ELAPOR2: variants seen among roughly 807,000 people sequenced by gnomAD.
ELAPOR2 encodes the protein endosome-lysosome associated apoptosis and autophagy regulator family member 2.
Under a neutral mutation model 120.7 loss-of-function variants are expected in ELAPOR2, and 89 were observed. The ratio of observed to expected loss-of-function variants is 0.74; its 90% CI spans 0.62 to 0.88. The LOEUF is 0.88. Among genes scored for constraint, ELAPOR2 ranks in the 40% least tolerant of loss-of-function variants. The pLI is 0.00. For missense variants in ELAPOR2, 1,134 were observed against 1,251.6 expected (o/e 0.91, Z 1.42); for synonymous variants, 444 against 444.9 (o/e 1.00, Z 0.03).
At position 86,900,908 on chromosome 7, in the gene ELAPOR2, T is replaced by A. The variant is rs1478998671; in HGVS notation, c.2559-3276A>T. On this transcript the variant is annotated intron_variant, in intron 18 of 21. Coordinates refer to ENST00000450689, the MANE Select transcript of ELAPOR2 (RefSeq NM_001142749.3). ...ACAGAAAAACAAACAGTAAAATAGATAAATGTTTTATTGCCAAGTACTTGA... is the reference window on the plus strand; with the variant it reads ...ACAGAAAAACAAACAGTAAAATAGAAAAATGTTTTATTGCCAAGTACTTGA... Among the ~76,000 whole-genome samples the A allele has an allele frequency of 2.0e-5, 3 of 152,180 alleles. No individual in the cohort carries two copies. The East Asian group carries it at 5.8e-4, about 29-fold the overall frequency.
At chr7:87,011,644 T>C (rs1001779545) in intron 1 of ELAPOR2, among the ~76,000 whole-genome samples, 1 of 152,250 alleles carries the variant, frequency 6.6e-6, no homozygotes, top group Non-Finnish European at 1.5e-5. Flanking sequence ...ACTTGGTGTC[T>C]TGGGAGCTTT....
chr7:86,899,588 T>TA (rs2115925689), intron 18 of ELAPOR2, among the ~76,000 whole-genome samples: 1 of 152,276 alleles, frequency 6.6e-6, no homozygotes, highest in East Asian at 1.9e-4. Context: ...TTCATACTGT[T>TA]AGTTAACTAA....
intron 19 of ELAPOR2, among the ~76,000 whole-genome samples, chr7:86,896,530 T>C (rs1024539197): frequency 6.6e-6 from 1 of 152,100 alleles, no homozygotes; most frequent in African/African-American, 2.4e-5. Flanking sequence ...AAGACCTTCC[T>C]GGGCAGAACT....
intron 18 of ELAPOR2, among the ~76,000 whole-genome samples, chr7:86,905,577 C>T (rs964526276): frequency 4.0e-5 from 6 of 151,816 alleles, no homozygotes; most frequent in African/African-American, 1.5e-4. Context: ...TAGACTGTCA[C>T]ATTTTAAATT....
intron 1 of ELAPOR2, among the ~76,000 whole-genome samples, chr7:87,048,417 TAAAAATC>T (rs1795014037): frequency 6.6e-6 from 1 of 152,126 alleles, no homozygotes; most frequent in Non-Finnish European, 1.5e-5. Context: ...TTTGTTGATC[TAAAAATC>T]AAAACAAGTG....
At chr7:87,022,604 TGAC>T (rs1794092507) in intron 1 of ELAPOR2, among the ~76,000 whole-genome samples, 1 of 152,124 alleles carries the variant, frequency 6.6e-6, no homozygotes, top group African/African-American at 2.4e-5. Flanking sequence ...AGTAATGGGA[TGAC>T]TGGGTCAAAT....
chr7:87,055,118 C>G (rs150660369), intron 1 of ELAPOR2, among the ~76,000 whole-genome samples: 28 of 152,300 alleles, frequency 1.8e-4, no homozygotes, highest in Non-Finnish European at 4.0e-4. Flanking sequence ...GGTCACCACA[C>G]CAGCCCACAC....
Position 86,998,851 on chromosome 7 carries a change from GT to G in ELAPOR2, c.190-33828del, listed in dbSNP as rs397942440. On this transcript the variant is annotated intron_variant, in intron 1 of 21. Coordinates refer to ENST00000450689, the MANE Select transcript of ELAPOR2 (RefSeq NM_001142749.3). ...TTTAGAATTCCATAAATAGTTCCTTGTTTTTTTTTTTCAAAGAACCTGAGAA... is the reference window on the plus strand; with the variant it reads ...TTTAGAATTCCATAAATAGTTCCTTGTTTTTTTTTTCAAAGAACCTGAGAA... Among the ~76,000 whole-genome samples the G allele has an allele frequency of 9.3e-3, 1,357 of 146,468 alleles. 24 individuals carry two copies. Among genetic ancestry groups the G allele is most frequent in the African/African-American group, 0.031 (1,249 of 40,384 alleles).
chr7:86,918,323 CAAAAAAAAAAAAAAAA>C (rs370415220), intron 12 of ELAPOR2, 103 bp downstream of exon 12: 2 of 173,944 alleles, frequency 1.1e-5, no homozygotes, highest in African/African-American at 5.2e-5. Context: ...CTAAGAATAG[CAAAAAAAAAAAAAAAA>C]AAAAAAAAGG....
intron 7 of ELAPOR2, 26 bp from the exon 8 acceptor site, chr7:86,938,240 A>C: frequency 2.7e-6 from 4 of 1,507,894 alleles, no homozygotes; most frequent in Non-Finnish European, 3.6e-6. Context: ...AGCGTTTCAG[A>C]AATGGGTCAA....
At chr7:86,964,777 C>T in intron 2 of ELAPOR2, 127 bp downstream of exon 2, 2 of 911,096 alleles carry the variant, frequency 2.2e-6, no homozygotes, top group Middle Eastern at 2.5e-4. Flanking sequence ...ATTTATTCTG[C>T]TGGTTATCAA....
chr7:86,904,637 C>G (rs573525935), intron 18 of ELAPOR2, among the ~76,000 whole-genome samples: 12 of 152,198 alleles, frequency 7.9e-5, no homozygotes, highest in Non-Finnish European at 1.6e-4. Flanking sequence ...GTGTTTCCAG[C>G]TGCAGATGAG....
At chr7:87,010,586 C>T (rs1297013931) in intron 1 of ELAPOR2, among the ~76,000 whole-genome samples, 1 of 152,120 alleles carries the variant, frequency 6.6e-6, no homozygotes, top group African/African-American at 2.4e-5. Context: ...TTGAGTAGAA[C>T]AGAGAAGAGC....
At chr7:87,018,913 A>T (rs1793952174) in intron 1 of ELAPOR2, among the ~76,000 whole-genome samples, 1 of 152,188 alleles carries the variant, frequency 6.6e-6, no homozygotes, top group South Asian at 2.1e-4. Flanking sequence ...TCCATGTTCA[A>T]ACAAGACAAT....
At chr7:87,042,812 G>A (rs1462175916) in intron 1 of ELAPOR2, among the ~76,000 whole-genome samples, 2 of 152,116 alleles carry the variant, frequency 1.3e-5, no homozygotes, top group Non-Finnish European at 2.9e-5. Flanking sequence ...AAAAATTAAT[G>A]AATCCAGGAG....
At chr7:86,958,351 C>T (rs1791560572) in intron 2 of ELAPOR2, among the ~76,000 whole-genome samples, 1 of 152,050 alleles carries the variant, frequency 6.6e-6, no homozygotes, top group South Asian at 2.1e-4. Context: ...TACAATTATA[C>T]CTGGCATATA....
intron 19 of ELAPOR2, among the ~76,000 whole-genome samples, chr7:86,893,445 A>ATT (rs932710090): frequency 4.7e-5 from 7 of 147,642 alleles, no homozygotes; most frequent in African/African-American, 1.7e-4. Flanking sequence ...CTTCTGGGCT[A>ATT]TTTTTTTTTT....
intron 2 of ELAPOR2, among the ~76,000 whole-genome samples, chr7:86,963,712 T>C (rs1017898219): frequency 9.2e-5 from 14 of 152,232 alleles, no homozygotes; most frequent in Admixed American, 2.6e-4. Context: ...ATAGGTATGA[T>C]TCAGGCTCTG....
intron 19 of ELAPOR2, among the ~76,000 whole-genome samples, chr7:86,895,358 A>G (rs1416558213): frequency 3.3e-5 from 5 of 152,118 alleles, no homozygotes; most frequent in Non-Finnish European, 7.4e-5. Flanking sequence ...GAATACATTA[A>G]GTAAGGTCTA....
Sources: allele counts gnomAD v4.1 joint callset (sites outside exome capture counted in the v4.1 genomes callset), GRCh38; gene constraint gnomAD v4.1.1; transcripts MANE v1.5; gene names NCBI Gene and HGNC (gene_info 2026-07-23, HGNC 2026-07-21).